NUP188: variants seen among roughly 807,000 people sequenced by gnomAD.
NUP188 encodes the protein nucleoporin NUP188.
In NUP188, 97 loss-of-function variants were observed where a neutral mutation model predicts 223.0. The observed-to-expected ratio is 0.43, with a 90% CI of 0.37 to 0.51. The LOEUF is 0.51. Among genes scored for constraint, NUP188 ranks in the 20% least tolerant of loss-of-function variants. The probability of loss-of-function intolerance (pLI) is 0.00; values close to 1 mark genes in which losing one functional copy is unlikely to be tolerated. For synonymous variants in NUP188, 869 were observed against 828.0 expected (o/e 1.05, Z -0.85); for missense variants, 1,947 against 2,175.6 (o/e 0.89, Z 2.09).
chr9:128,983,352 C>A lies in NUP188; in HGVS notation c.1856C>A (p.Thr619Asn), dbSNP rs1014983088. The A allele has an allele frequency of 6.2e-7, 1 of 1,614,224 alleles. No individual in the cohort carries two copies. The highest frequency in any genetic ancestry group is 2.2e-5 in the East Asian group (1 of 44,890). Reference protein sequence around the residue: ...DVIASCVNCLTVLAARNPAKV... With the variant: ...DVIASCVNCLNVLAARNPAKV... Reference sequence around the variant, plus strand: ...ATTGCTTCTTGTGTCAACTGCTTAACTGTTTTGGCTGCCCGCAATCCAGCA... The same window carrying A: ...ATTGCTTCTTGTGTCAACTGCTTAAATGTTTTGGCTGCCCGCAATCCAGCA... Residue 619 changes from threonine to asparagine, a missense_variant, in exon 18 of 44, where the codon ACT (threonine) becomes AAT (asparagine). Physicochemically the swap from Thr to Asn is moderately conservative, Grantham distance 65. Coordinates refer to ENST00000372577, the MANE Select transcript of NUP188 (RefSeq NM_015354.3).
Position 128,968,649 on chromosome 9 carries a change from A to G in NUP188, c.729A>G (p.Gly243=). Residue 243 remains glycine, a synonymous_variant, in exon 9 of 44, where the codon GGA becomes GGG. Coordinates refer to ENST00000372577, the MANE Select transcript of NUP188 (RefSeq NM_015354.3). ...LVLTKMFKEQ[G]FGSRQTNRHL... is the part of the protein sequence containing the mutation. ...TAACCAAGATGTTTAAAGAGCAAGG[A>G]TTTGGTAGTAGGCAGACCAATAGGC... The G allele has an allele frequency of 6.2e-7, 1 of 1,614,170 alleles. No homozygotes were observed.
intron 20 of NUP188, among the ~76,000 whole-genome samples, chr9:128,985,635 T>C (rs1325976150): frequency 6.6e-6 from 1 of 152,144 alleles, no homozygotes; most frequent in Non-Finnish European, 1.5e-5. Context: ...CTTAAGAGTC[T>C]CTAAAACAGA....
At chr9:128,972,611 A>G (rs1842118904) in intron 11 of NUP188, among the ~76,000 whole-genome samples, 1 of 152,244 alleles carries the variant, frequency 6.6e-6, no homozygotes, top group Admixed American at 6.5e-5. Flanking sequence ...TTGGGTGATA[A>G]TAATAATGCC....
chr9:128,984,940 A>G lies in NUP188; in HGVS notation c.2002A>G (p.Met668Val). The G allele has an allele frequency of 1.9e-6, 3 of 1,613,930 alleles. No individual in the cohort carries two copies. The highest frequency in any genetic ancestry group is 2.5e-6 in the Non-Finnish European group (3 of 1,179,930). Residue 668 changes from methionine (M) to valine (V), a missense_variant, in exon 20 of 44, where the codon ATG becomes GTG. Around this residue, in one of 3 missense-constraint regions of NUP188, gnomAD observed 817 missense variants for 865.8 expected, o/e 0.94. Coordinates refer to ENST00000372577, the MANE Select transcript of NUP188 (RefSeq NM_015354.3). ...MNAGGYGNLL[M>V]NSEQPQGEYG... ...TGCTGGAGGGTACGGAAACCTCTTGATGAACAGTGAACAGCCTCAGGGCGA... is the reference window on the plus strand; with the variant it reads ...TGCTGGAGGGTACGGAAACCTCTTGGTGAACAGTGAACAGCCTCAGGGCGA...
At position 129,005,132 on chromosome 9, in the gene NUP188, CTG is replaced by C. The variant is rs1161329586; in HGVS notation, c.4435-11_4435-10del. Reference sequence around the variant, plus strand: ...TGACAAGAGAATCCGCTCATCTCTCCTGTGTCTCTCCCAGGTCAACCTGGGTT... The same window carrying C: ...TGACAAGAGAATCCGCTCATCTCTCCTGTCTCTCCCAGGTCAACCTGGGTT... On this transcript the variant is annotated splice_polypyrimidine_tract_variant and intron_variant, in intron 38 of 43. Coordinates refer to ENST00000372577, the MANE Select transcript of NUP188 (RefSeq NM_015354.3). 2 of 1,606,904 alleles carry C rather than the reference CTG, an allele frequency of 1.2e-6. No individual in the cohort carries two copies. The highest frequency in any genetic ancestry group is 2.2e-5 in the East Asian group (1 of 44,842).
intron 19 of NUP188, 138 bp from the exon 20 acceptor site, chr9:128,984,762 T>C (rs2131168931): frequency 1.8e-6 from 1 of 571,144 alleles, no homozygotes; most frequent in South Asian, 2.5e-5. Flanking sequence ...AGAACTGTCT[T>C]GATTGGATTA....
rs1267905809 is a variant in NUP188 at position 128,952,855 on chromosome 9, G to A, written c.161+9G>A. On this transcript the variant is annotated intron_variant, in intron 3 of 43. Transcript: ENST00000372577. ...TACTACAAACCTCCCAGGTATGGCA[G>A]TTCCGGGTGTCTGGTTAAAGTAATT... is the stretch of plus-strand genomic sequence containing the variant. 6.2e-7 allele frequency: 1 copy of A among 1,608,340 alleles called. No homozygotes were observed. The highest frequency in any genetic ancestry group is 8.5e-7 in the Non-Finnish European group (1 of 1,174,936).
chr9:129,001,594 G>A lies in NUP188; in HGVS notation c.3909G>A (p.Trp1303Ter). 1 of 1,613,996 alleles carries A rather than the reference G, an allele frequency of 6.2e-7. No individual in the cohort carries two copies. The highest frequency in any genetic ancestry group is 8.5e-7 in the Non-Finnish European group (1 of 1,180,000). The change falls in exon 35 of 44, where the codon TGG (tryptophan) becomes TGA (stop). Residue 1303 changes from tryptophan to a stop codon, truncating the protein, a stop_gained. Coordinates refer to ENST00000372577, the MANE Select transcript of NUP188 (RefSeq NM_015354.3). LOFTEE classifies it high-confidence loss of function. ...AGGTAGACGAGGATGGTGACTCCTG[G>A]CTGCAGGTAACCCGCAGGCTCCCCA... is the stretch of plus-strand genomic sequence containing the variant. ...LCEVDEDGDS[W>*]LQVTRRLPIL... is the part of the protein sequence containing the mutation.
At chr9:128,969,554 A>G (rs779958917) in intron 10 of NUP188, 40 bp downstream of exon 10, 1 of 1,114,702 alleles carries the variant, frequency 9.0e-7, no homozygotes, top group South Asian at 1.6e-5. Context: ...AGGGTTTATA[A>G]GTTAGTAGTA....
intron 3 of NUP188, among the ~76,000 whole-genome samples, chr9:128,953,965 G>A (rs1841832727): frequency 6.6e-6 from 1 of 152,018 alleles, no homozygotes; most frequent in South Asian, 2.1e-4. Flanking sequence ...GAGTGGCTGG[G>A]ATTACAGGTG....
At chr9:128,952,683 A>G in intron 2 of NUP188, 90 bp from the exon 3 acceptor site, 1 of 1,100,282 alleles carries the variant, frequency 9.1e-7, no homozygotes, top group Admixed American at 2.0e-5. Context: ...AGTTGGTGCC[A>G]CTGCACTCCA....
At chr9:128,995,004 G>A in intron 29 of NUP188, 81 bp downstream of exon 29, 1 of 1,030,872 alleles carries the variant, frequency 9.7e-7, no homozygotes, top group Non-Finnish European at 1.5e-6. Flanking sequence ...TGCATGGCTG[G>A]AAGAGCCAAG....
chr9:128,949,385 T>G, intron 2 of NUP188, 142 bp downstream of exon 2: 1 of 611,142 alleles, frequency 1.6e-6, no homozygotes, highest in Non-Finnish European at 2.9e-6. Context: ...CAGGCTGGAG[T>G]GCAATGGCGT....
At chr9:128,962,045 C>T (rs1841962997) in intron 8 of NUP188, among the ~76,000 whole-genome samples, 2 of 151,702 alleles carry the variant, frequency 1.3e-5, no homozygotes, top group South Asian at 4.2e-4. Context: ...AAGCAATTCT[C>T]CTGCCTCAGC....
chr9:129,002,842 T>C lies in NUP188; in HGVS notation c.4163T>C (p.Leu1388Pro). Residue 1388 changes from leucine (L) to proline (P), a missense_variant, in exon 37 of 44, where the codon CTG (leucine) becomes CCG (proline). Physicochemically the swap from Leu to Pro is moderately conservative, Grantham distance 98. This residue lies in a region of NUP188 where 905 missense variants were observed against 990.6 expected (regional missense o/e 0.91). Coordinates refer to ENST00000372577, the MANE Select transcript of NUP188 (RefSeq NM_015354.3). Reference protein sequence around the residue: ...AQTPSASRKSLDAPSWPGVYR... With the variant: ...AQTPSASRKSPDAPSWPGVYR... ...ACACCTAGTGCCTCTCGGAAGTCCCTGGATGCCCCCTCTTGGCCAGGAGTC... is the reference window on the plus strand; with the variant it reads ...ACACCTAGTGCCTCTCGGAAGTCCCCGGATGCCCCCTCTTGGCCAGGAGTC... 6.2e-7 allele frequency: 1 copy of C among 1,614,224 alleles called. No individual in the cohort carries two copies. The highest frequency in any genetic ancestry group is 8.5e-7 in the Non-Finnish European group (1 of 1,180,040).
At position 128,968,838 on chromosome 9, in the gene NUP188, C is replaced by A. The variant is rs1345160040; in HGVS notation, c.797+121C>A. The A allele has an allele frequency of 1.3e-5, 9 of 703,438 alleles. No homozygotes were observed. In the East Asian group the frequency reaches 2.3e-4, roughly 18 times the overall value. 43.6% of individuals were successfully genotyped at this position (703,438 alleles called of 1,614,324 possible). On this transcript the variant is annotated intron_variant, in intron 9 of 43. Transcript: ENST00000372577. ...CTTAATCGGTGGGGAAATAGGTCTA[C>A]TGCCACGTTCCCTTTCATGCAGGGA... is the stretch of plus-strand genomic sequence containing the variant.
intron 20 of NUP188, among the ~76,000 whole-genome samples, chr9:128,985,414 C>T (rs187160758): frequency 1.1e-3 from 170 of 152,222 alleles, no homozygotes; most frequent in Middle Eastern, 3.4e-3. Flanking sequence ...ACAAGTTGTA[C>T]CCTGATATTT....
Position 128,990,119 on chromosome 9 carries a change from G to A in NUP188, c.2534-1G>A. ...CTAAACTGTTTCCTGTGCTGCTTTA[G>A]GTGCTCATGGAAACAACCTCATTGC... On this transcript the variant is annotated splice_acceptor_variant, in intron 24 of 43. Coordinates refer to ENST00000372577, the MANE Select transcript of NUP188 (RefSeq NM_015354.3). LOFTEE classifies it high-confidence loss of function. The A allele has an allele frequency of 2.5e-6, 4 of 1,608,804 alleles. No individual in the cohort carries two copies. The highest frequency in any genetic ancestry group is 3.4e-6 in the Non-Finnish European group (4 of 1,175,226).
intron 11 of NUP188, 108 bp from the exon 12 acceptor site, chr9:128,973,052 T>A (rs1390253291): frequency 6.0e-6 from 3 of 498,704 alleles, no homozygotes; most frequent in Non-Finnish European, 1.0e-5. Context: ...AGCTTCAGAT[T>A]TCCTTCCCAT....
Sources: gnomAD v4.1 joint callset for allele counts (sites outside exome capture counted in the v4.1 genomes callset) on GRCh38, gnomAD v4.1.1 for gene constraint, gnomAD v4.1.1 regional missense constraint, MANE v1.5 for transcripts, NCBI Gene and HGNC (gene_info 2026-07-23, HGNC 2026-07-21) for gene names.